The following NCKAP5L variants were observed in gnomAD, a reference collection of about 807,000 sequenced individuals.
NCKAP5L encodes the protein nck-associated protein 5-like.
NCKAP5L carries 54 observed loss-of-function variants against 103.2 expected under a neutral mutation model. That is an observed-to-expected ratio of 0.52 (90% CI 0.42 to 0.66). The LOEUF (loss-of-function observed/expected upper bound fraction) is 0.66, where lower values mean the gene tolerates loss of function less well. NCKAP5L is among the 30% of genes least tolerant of loss of function. The pLI, the probability that NCKAP5L is intolerant of heterozygous loss-of-function variation, is 0.00. For synonymous variants in NCKAP5L, 762 were observed against 748.6 expected (o/e 1.02, Z -0.29); for missense variants, 1,733 against 1,750.6 (o/e 0.99, Z 0.18).
chr12:49,815,715 C>T (rs571812173), intron 1 of NCKAP5L, among the ~76,000 whole-genome samples: 1 of 152,252 alleles, frequency 6.6e-6, no homozygotes, highest in South Asian at 2.1e-4. Flanking sequence ...GTTTCGAACT[C>T]CTGACCTCAA....
chr12:49,819,129 G>C (rs1025757136), intron 1 of NCKAP5L, among the ~76,000 whole-genome samples: 1 of 151,326 alleles, frequency 6.6e-6, no homozygotes, highest in Non-Finnish European at 1.5e-5. Flanking sequence ...TCAGGAGATC[G>C]AGACCATTCC....
intron 1 of NCKAP5L, among the ~76,000 whole-genome samples, chr12:49,809,225 C>T (rs1014569899): frequency 1.3e-5 from 2 of 152,200 alleles, no homozygotes; most frequent in Non-Finnish European, 2.9e-5. Context: ...AGAGATCTTA[C>T]TGTCCTGGCC....
chr12:49,802,102 C>T (rs1946126618), intron 5 of NCKAP5L, 135 bp from the exon 6 acceptor site: 1 of 1,007,178 alleles, frequency 9.9e-7, no homozygotes, highest in Non-Finnish European at 1.4e-6. Context: ...GCTGCAACCT[C>T]CTTCTATGAG....
chr12:49,792,709 C>A lies in NCKAP5L; in HGVS notation c.3618G>T (p.Pro1206=). 6.2e-7 allele frequency: 1 copy of A among 1,611,332 alleles called. No homozygotes were observed. The highest frequency in any genetic ancestry group is 8.5e-7 in the Non-Finnish European group (1 of 1,179,070). ...PAFPALLPAA[P]GHRGHETCPD... The stretch of plus-strand genomic sequence containing the variant: ...GACAGGTCTCATGGCCCCGGTGGCC[C>A]GGAGCAGCGGGTAGCAGTGCAGGGA... Residue 1206 remains proline, a synonymous_variant, in exon 11 of 13, where the codon CCG becomes CCT. Transcript: ENST00000335999. The surrounding 1 kb of genome is among the most constrained non-coding windows in gnomAD (Gnocchi z 4.5).
At chr12:49,804,601 G>A (rs2137015895) in intron 2 of NCKAP5L, 1 of 152,344 alleles carries the variant, frequency 6.6e-6, no homozygotes, top group South Asian at 2.1e-4. Context: ...TTTAGATAGT[G>A]GAGACAATGG....
intron 1 of NCKAP5L, among the ~76,000 whole-genome samples, chr12:49,822,622 C>T (rs1003975096): frequency 3.3e-5 from 5 of 150,826 alleles, no homozygotes; most frequent in Non-Finnish European, 5.9e-5. Flanking sequence ...TCTCTGCTCA[C>T]TGCAACCTCT....
intron 2 of NCKAP5L, chr12:49,804,826 G>A (rs368855161): frequency 3.3e-5 from 5 of 152,402 alleles, no homozygotes; most frequent in East Asian, 1.9e-4. Context: ...CTGAGAACAC[G>A]ACTCAGCACA....
At chr12:49,819,251 G>A (rs1013169711) in intron 1 of NCKAP5L, among the ~76,000 whole-genome samples, 2 of 151,410 alleles carry the variant, frequency 1.3e-5, no homozygotes, top group Non-Finnish European at 2.9e-5. Context: ...GGTGGAGCTC[G>A]CAGTGAGCTG....
chr12:49,792,306 A>G lies in NCKAP5L; in HGVS notation c.3792+140T>C. 6.6e-7 allele frequency: 1 copy of G among 1,513,650 alleles called. No individual in the cohort carries two copies. The highest frequency in any genetic ancestry group is 8.9e-7 in the Non-Finnish European group (1 of 1,121,610). 93.8% of individuals were successfully genotyped at this position (1,513,650 alleles called of 1,614,324 possible). A position where few individuals can be genotyped will look rare whatever the true frequency, so the allele number is the denominator to read the frequency against. On this transcript the variant is annotated intron_variant, in intron 12 of 12. Coordinates refer to ENST00000335999, the MANE Select transcript of NCKAP5L (RefSeq NM_001037806.4). This position sits in a 1 kb window ranked among gnomAD's most constrained non-coding sequence, Gnocchi z 4.5. ...CAGTGGGGAGGGCCGCTCACAGGGC[A>G]TCCCAGGGGTCCTCCTCCCAGAGGG...
Position 49,796,621 on chromosome 12 carries a change from C to T in NCKAP5L, c.1239G>A (p.Gly413=), listed in dbSNP as rs1306199050. ...CAGGCCGAGAGCCCAGTGGGGCATC[C>T]CCAGCACCCATGAACATGCTAAGGA... ...LPFLSMFMGA[G]DAPLGSRPGH... is the part of the protein sequence containing the mutation. The change falls in exon 8 of 13, where the codon GGG becomes GGA. Residue 413 remains glycine, a synonymous_variant. Coordinates refer to ENST00000335999, the MANE Select transcript of NCKAP5L (RefSeq NM_001037806.4). 6 of 1,596,990 alleles carry T rather than the reference C, an allele frequency of 3.8e-6. No homozygotes were observed. Among genetic ancestry groups the T allele is most frequent in the Admixed American group, 3.5e-5 (2 of 56,822 alleles).
intron 1 of NCKAP5L, among the ~76,000 whole-genome samples, chr12:49,823,777 C>A (rs1946386391): frequency 6.6e-6 from 1 of 152,122 alleles, no homozygotes; most frequent in Non-Finnish European, 1.5e-5. Context: ...TCAGTAATAA[C>A]AGCAACAATA....
rs887960449 is a variant in NCKAP5L at position 49,828,163 on chromosome 12, G to C, written c.-99+159C>G. ...GTGCGGCTGGAGGGAGGGACGGAGGGGCGGGCAGCAGGGTTTGGGCAGGAA... is the reference window on the plus strand; with the variant it reads ...GTGCGGCTGGAGGGAGGGACGGAGGCGCGGGCAGCAGGGTTTGGGCAGGAA... On this transcript the variant is annotated intron_variant, in intron 1 of 12. Coordinates refer to ENST00000335999, the MANE Select transcript of NCKAP5L (RefSeq NM_001037806.4). Among the ~76,000 whole-genome samples, 63 of 151,634 alleles carry C rather than the reference G, an allele frequency of 4.2e-4. No individual in the cohort carries two copies. The East Asian group carries it at 0.012, about 29-fold the overall frequency.
In NCKAP5L at chr12:49,797,908, A is replaced by C. The variant is rs1946076618; in HGVS notation, c.465+442T>G. Among the ~76,000 whole-genome samples, 1 of 152,184 alleles carries C rather than the reference A, an allele frequency of 6.6e-6. No homozygotes were observed. The highest frequency in any genetic ancestry group is 2.4e-5 in the African/African-American group (1 of 41,448). On this transcript the variant is annotated intron_variant, in intron 7 of 12. Transcript: ENST00000335999. This position sits in a 1 kb window ranked among gnomAD's most constrained non-coding sequence, Gnocchi z 4.5. ...AGGGGTTGGGGGTGACGCCATGCCCAGCCCTTTCTCAGGTGTAGCATAGTG... is the reference window on the plus strand; with the variant it reads ...AGGGGTTGGGGGTGACGCCATGCCCCGCCCTTTCTCAGGTGTAGCATAGTG...
Position 49,795,939 on chromosome 12 carries a change from A to C in NCKAP5L, c.1921T>G (p.Ser641Ala). The C allele has an allele frequency of 2.0e-6, 3 of 1,528,854 alleles. No homozygotes were observed. The South Asian group carries it at 4.0e-5, about 20-fold the overall frequency. The allele number at this position is 1,528,854 out of a possible 1,614,324, so 94.7% of individuals were successfully genotyped here. Residue 641 changes from serine to alanine, a missense_variant, in exon 8 of 13, where the codon TCA (serine) becomes GCA (alanine). By Grantham distance (99) the Ser-to-Ala change is moderately conservative. Coordinates refer to ENST00000335999, the MANE Select transcript of NCKAP5L (RefSeq NM_001037806.4). ...GACCCCTGGCTGGGCTTCTTGGATGAGTTGCCTGGGGTCCTGCGGCCGGGA... is the reference window on the plus strand; with the variant it reads ...GACCCCTGGCTGGGCTTCTTGGATGCGTTGCCTGGGGTCCTGCGGCCGGGA... ...PHPGRRTPGN[S>A]SKKPSQGSGR...
chr12:49,795,562 G>A lies in NCKAP5L; in HGVS notation c.2298C>T (p.Val766=). Reference sequence around the variant, plus strand: ...CTTTGGTGAGGCAGCTCCTTGGTGAGACAGGCTCCAGGTCCACCCGGGCCC... The same window carrying A: ...CTTTGGTGAGGCAGCTCCTTGGTGAAACAGGCTCCAGGTCCACCCGGGCCC... The part of the protein sequence containing the change: ...SMGARVDLEP[V]SPRSCLTKVE... The change falls in exon 8 of 13, where the codon GTC becomes GTT. Residue 766 remains valine (V), a synonymous_variant. Coordinates refer to ENST00000335999, the MANE Select transcript of NCKAP5L (RefSeq NM_001037806.4). The A allele has an allele frequency of 6.5e-7, 1 of 1,540,750 alleles. No homozygotes were observed. The highest frequency in any genetic ancestry group is 8.7e-7 in the Non-Finnish European group (1 of 1,147,720).
intron 10 of NCKAP5L, 61 bp from the exon 11 acceptor site, chr12:49,793,047 C>A: frequency 7.7e-7 from 1 of 1,299,490 alleles, no homozygotes; most frequent in Non-Finnish European, 1.0e-6. Flanking sequence ...CCCGGCCTGC[C>A]TCCACTTCCC....
At chr12:49,806,283 G>A (rs1042345516) in intron 1 of NCKAP5L, among the ~76,000 whole-genome samples, 1 of 152,212 alleles carries the variant, frequency 6.6e-6, no homozygotes, top group Non-Finnish European at 1.5e-5. Context: ...TGGGACAGCA[G>A]AAAGAGCCAG....
chr12:49,800,845 G>A (rs1169573896), intron 6 of NCKAP5L, among the ~76,000 whole-genome samples: 1 of 152,196 alleles, frequency 6.6e-6, no homozygotes, highest in African/African-American at 2.4e-5. Context: ...AAGGACACTC[G>A]ACCCCTCTGT....
At chr12:49,793,257 C>G in intron 10 of NCKAP5L, 95 bp downstream of exon 10, 2 of 1,278,784 alleles carry the variant, frequency 1.6e-6, no homozygotes, top group Non-Finnish European at 2.2e-6. Flanking sequence ...GCACACAGAG[C>G]CTGGCACCTG....
Sources: gnomAD v4.1 joint callset for allele counts (sites outside exome capture counted in the v4.1 genomes callset) on GRCh38, gnomAD v4.1.1 for gene constraint, Gnocchi (gnomAD v3.1) non-coding constraint, MANE v1.5 for transcripts, NCBI Gene and HGNC (gene_info 2026-07-23, HGNC 2026-07-21) for gene names.